The following DMD variants were observed in gnomAD, a reference collection of about 807,000 sequenced individuals.
DMD encodes the protein mutant dystrophin.
Under a neutral mutation model 330.1 loss-of-function variants are expected in DMD, and 63 were observed. The ratio of observed to expected loss-of-function variants is 0.19; its 90% CI spans 0.16 to 0.24. DMD has a LOEUF of 0.24. Among genes scored for constraint, DMD ranks in the 10% least tolerant of loss-of-function variants. DMD has a pLI of 1.00. For missense variants in DMD, 3,344 were observed against 2,684.1 expected, an observed-to-expected ratio of 1.25 and a Z score of -5.43; for synonymous variants, 1,223 against 959.8, an observed-to-expected ratio of 1.27 and a Z score of -5.07.
At chrX:32,886,694 T>C (rs2084624763) in intron 2 of DMD, among the ~76,000 whole-genome samples, 1 of 110,637 alleles carries the variant, frequency 9.0e-6, no homozygotes, top group Non-Finnish European at 1.9e-5. Flanking sequence ...AAAAAAAAGG[T>C]AATATCCTTT....
intron 55 of DMD, among the ~76,000 whole-genome samples, chrX:31,623,702 C>T (rs1461140929): frequency 1.8e-5 from 2 of 111,007 alleles, no homozygotes; most frequent in Non-Finnish European, 3.8e-5. Flanking sequence ...TGAGAGGAGA[C>T]GTAGGTAAAA....
At chrX:32,734,513 CAATAA>C (rs1320976709) in intron 7 of DMD, among the ~76,000 whole-genome samples, 2 of 106,783 alleles carry the variant, frequency 1.9e-5, no homozygotes, top group Non-Finnish European at 3.8e-5. Flanking sequence ...CAAAAATCCT[CAATAA>C]AATACTGGCA....
chrX:31,406,431 TA>T (rs1463599340), intron 60 of DMD, among the ~76,000 whole-genome samples: 2 of 111,306 alleles, frequency 1.8e-5, no homozygotes, highest in Non-Finnish European at 3.8e-5. Flanking sequence ...GTAATATTAT[TA>T]ATATGAGAAT....
intron 51 of DMD, among the ~76,000 whole-genome samples, chrX:31,752,434 G>T (rs947039231): frequency 1.4e-4 from 16 of 111,057 alleles, no homozygotes; most frequent in Non-Finnish European, 1.5e-4. Flanking sequence ...AAAACAACCA[G>T]TCATACCAGG....
chrX:32,281,680 G>A (rs748375630), intron 43 of DMD, among the ~76,000 whole-genome samples: 8 of 111,617 alleles, frequency 7.2e-5, no homozygotes, highest in Non-Finnish European at 1.5e-4. Context: ...TACAGTAAGT[G>A]TTCTCTTATT....
chrX:32,731,974 A>G (rs1012567255), intron 7 of DMD, among the ~76,000 whole-genome samples: 2 of 111,917 alleles, frequency 1.8e-5, no homozygotes, highest in African/African-American at 3.2e-5. Context: ...GAGCTACGGG[A>G]GGACATTCAA....
In DMD at chrX:32,649,945, T is replaced by C. The variant is rs146908133; in HGVS notation, c.961-4793A>G. ...TGCATATAAAATGCTAAGCACATTC[T>C]AGATCCCAAGAAATGCTCTGCAATG... On this transcript the variant is annotated intron_variant, in intron 9 of 78. Transcript: ENST00000357033. Among the ~76,000 whole-genome samples the C allele has an allele frequency of 1.5e-4, 17 of 111,570 alleles. No individual in the cohort carries two copies. The East Asian group carries it at 4.8e-3, about 32-fold the overall frequency.
intron 44 of DMD, among the ~76,000 whole-genome samples, chrX:32,123,489 T>G (rs1039644266): frequency 9.3e-6 from 1 of 107,948 alleles, no homozygotes; most frequent in Middle Eastern, 4.3e-3. Flanking sequence ...CTCTACTCCA[T>G]AGGGGGAAAT....
intron 62 of DMD, among the ~76,000 whole-genome samples, chrX:31,280,553 C>T (rs750354255): frequency 2.2e-4 from 25 of 111,589 alleles, no homozygotes; most frequent in Non-Finnish European, 4.5e-4. Context: ...TGCCAAAAAT[C>T]GCTGAACCAC....
intron 37 of DMD, among the ~76,000 whole-genome samples, chrX:32,356,626 A>G (rs1823242434): frequency 1.2e-5 from 1 of 82,515 alleles, no homozygotes. Flanking sequence ...CAGAGAAAAT[A>G]ATTTCACTTT....
chrX:31,518,463 A>C (rs1246622438), intron 55 of DMD, among the ~76,000 whole-genome samples: 1 of 111,982 alleles, frequency 8.9e-6, no homozygotes, highest in African/African-American at 3.2e-5. Flanking sequence ...CTTAACATGC[A>C]AACCCTAGAT....
chrX:31,353,790 C>T (rs1298830722), intron 60 of DMD, among the ~76,000 whole-genome samples: 2 of 111,258 alleles, frequency 1.8e-5, no homozygotes, highest in Non-Finnish European at 3.8e-5. Context: ...GGAAGTGAGA[C>T]TAAAAGGGGT....
chrX:31,596,074 A>C (rs986479914), intron 55 of DMD, among the ~76,000 whole-genome samples: 1 of 111,579 alleles, frequency 9.0e-6, no homozygotes, highest in Non-Finnish European at 1.9e-5. Flanking sequence ...AAATCACAAA[A>C]GTATTTGGTT....
At chrX:31,344,920 C>T (rs898081376) in intron 61 of DMD, among the ~76,000 whole-genome samples, 1 of 111,462 alleles carries the variant, frequency 9.0e-6, no homozygotes, top group Non-Finnish European at 1.9e-5. Context: ...AACCAAATTT[C>T]TGATAGTGAT....
At chrX:32,340,239 T>C (rs892140549) in intron 41 of DMD, among the ~76,000 whole-genome samples, 8 of 111,900 alleles carry the variant, frequency 7.1e-5, no homozygotes, top group Admixed American at 4.8e-4. Context: ...TTCATACAGA[T>C]TGTGATTACT....
intron 7 of DMD, among the ~76,000 whole-genome samples, chrX:32,808,416 C>G (rs1378497826): frequency 9.0e-6 from 1 of 111,623 alleles, no homozygotes; most frequent in East Asian, 2.8e-4. Context: ...TACTGAATTT[C>G]CATTTTTATT....
intron 59 of DMD, among the ~76,000 whole-genome samples, chrX:31,449,645 T>G (rs1368858394): frequency 9.4e-6 from 1 of 106,571 alleles, no homozygotes; most frequent in African/African-American, 3.4e-5. Flanking sequence ...TCCAGGATAA[T>G]CCATAAAAGG....
chrX:31,904,716 G>C lies in DMD; in HGVS notation c.6912+24880C>G, dbSNP rs760242690. Among the ~76,000 whole-genome samples, 253 of 111,285 alleles carry C rather than the reference G, an allele frequency of 2.3e-3. 2 individuals carry two copies. The highest frequency in any genetic ancestry group is 3.8e-3 in the Non-Finnish European group (201 of 53,016). ...GAGTTTGGAAGCAGGTCCTTCCAAGGCAAGCTTTCAAATGAGACCCTAGCC... is the reference window on the plus strand; with the variant it reads ...GAGTTTGGAAGCAGGTCCTTCCAAGCCAAGCTTTCAAATGAGACCCTAGCC... On this transcript the variant is annotated intron_variant, in intron 47 of 78. Transcript: ENST00000357033.
At chrX:32,788,828 T>G (rs1044556580) in intron 7 of DMD, among the ~76,000 whole-genome samples, 1 of 112,189 alleles carries the variant, frequency 8.9e-6, no homozygotes, top group Non-Finnish European at 1.9e-5. Flanking sequence ...TGTTTTCCCT[T>G]ATTAGCCCTT....
Sources: gnomAD v4.1 joint callset for allele counts (sites outside exome capture counted in the v4.1 genomes callset) on GRCh38, gnomAD v4.1.1 for gene constraint, MANE v1.5 for transcripts, NCBI Gene and HGNC (gene_info 2026-07-23, HGNC 2026-07-21) for gene names.